The following GLIS3 variants were observed in gnomAD, a reference collection of about 807,000 sequenced individuals.
The protein encoded by GLIS3 is GLIS family zinc finger 3.
A neutral mutation model predicts 78.6 loss-of-function variants in GLIS3; 53 were observed. That is an observed-to-expected ratio of 0.67 (90% confidence interval 0.54 to 0.85). The LOEUF is 0.85. GLIS3 is among the 40% of genes least tolerant of loss of function. GLIS3 has a pLI of 0.00. For missense variants in GLIS3, 1,703 were observed against 1,231.1 expected, an observed-to-expected ratio of 1.38 and a Z score of -5.74; for synonymous variants, 684 against 509.9, an observed-to-expected ratio of 1.34 and a Z score of -4.60.
At position 4,196,888 on chromosome 9, in the gene GLIS3, GC is replaced by G. The variant is rs543654649; in HGVS notation, c.389-70948del. The stretch of plus-strand genomic sequence containing the variant: ...CAATCTGCATGTGTCCTTGCTGAGT[GC>G]CCCAGCCTGTTCCCCTGAGATCATG... On this transcript the variant is annotated intron_variant, in intron 2 of 10. Coordinates refer to ENST00000381971, the MANE Select transcript of GLIS3 (RefSeq NM_001042413.2). Among the ~76,000 whole-genome samples the G allele has an allele frequency of 9.1e-4, 138 of 152,282 alleles. 1 individual carries two copies. The highest frequency in any genetic ancestry group is 1.7e-3 in the Non-Finnish European group (113 of 68,024).
At chr9:4,045,076 C>G (rs1284930376) in intron 4 of GLIS3, among the ~76,000 whole-genome samples, 3 of 152,164 alleles carry the variant, frequency 2.0e-5, no homozygotes, top group African/African-American at 7.2e-5. Context: ...TCAACTGCAG[C>G]CAACAGCAGT....
intron 4 of GLIS3, among the ~76,000 whole-genome samples, chr9:4,114,462 C>A (rs1831473495): frequency 6.6e-6 from 1 of 152,096 alleles, no homozygotes; most frequent in Non-Finnish European, 1.5e-5. Context: ...TGACCTGTGA[C>A]CTTACCATCT....
chr9:4,465,312 C>A, the GLIS3 span, among the ~76,000 whole-genome samples: 1 of 152,210 alleles, frequency 6.6e-6, no homozygotes, highest in Non-Finnish European at 1.5e-5. Context: ...CTTTGGGAGG[C>A]CGAGGCAAGG....
intron 7 of GLIS3, among the ~76,000 whole-genome samples, chr9:3,896,402 T>G (rs1049461771): frequency 3.2e-4 from 49 of 152,158 alleles, no homozygotes; most frequent in Middle Eastern, 3.4e-3. Context: ...CAGTGGCTCA[T>G]GCCTGTAATC....
chr9:4,011,831 T>C (rs1272845967), intron 4 of GLIS3, among the ~76,000 whole-genome samples: 1 of 152,192 alleles, frequency 6.6e-6, no homozygotes, highest in Non-Finnish European at 1.5e-5. Context: ...GCATATCTGC[T>C]CTTAACATTT....
chr9:3,951,882 A>ACACGCACG (rs1554654468), intron 4 of GLIS3, among the ~76,000 whole-genome samples: 7 of 147,414 alleles, frequency 4.7e-5, no homozygotes, highest in Non-Finnish European at 1.0e-4. Flanking sequence ...ACACACACAC[A>ACACGCACG]CACGCACGCA....
At chr9:4,372,986 T>C in the GLIS3 span, among the ~76,000 whole-genome samples, 1 of 152,174 alleles carries the variant, frequency 6.6e-6, no homozygotes, top group African/African-American at 2.4e-5. Context: ...TACTAGTAGG[T>C]ACTGCACAGA....
At chr9:4,416,907 C>G in the GLIS3 span, among the ~76,000 whole-genome samples, 1 of 149,870 alleles carries the variant, frequency 6.7e-6, no homozygotes, top group African/African-American at 2.5e-5. Context: ...CAACCTCTGC[C>G]TCCCAGGTTC....
chr9:4,316,266 G>A (rs999260740), intron 2 of GLIS3, among the ~76,000 whole-genome samples: 1 of 152,172 alleles, frequency 6.6e-6, no homozygotes, highest in African/African-American at 2.4e-5. Flanking sequence ...CAAATCCAGT[G>A]ACTGCTCACA....
chr9:4,431,322 C>A, the GLIS3 span, among the ~76,000 whole-genome samples: 1 of 152,206 alleles, frequency 6.6e-6, no homozygotes, highest in Non-Finnish European at 1.5e-5. Flanking sequence ...CCTTACTTCG[C>A]TCTTGTATTA....
At chr9:4,174,402 C>T (rs566418337) in intron 2 of GLIS3, among the ~76,000 whole-genome samples, 24 of 152,140 alleles carry the variant, frequency 1.6e-4, no homozygotes, top group Admixed American at 3.9e-4. Context: ...AATCCAGTGA[C>T]GAATGTGGTA....
At chr9:4,316,635 G>C (rs1817440310) in intron 2 of GLIS3, among the ~76,000 whole-genome samples, 1 of 152,174 alleles carries the variant, frequency 6.6e-6, no homozygotes, top group South Asian at 2.1e-4. Context: ...AATGGTCCCA[G>C]TGTGAGTAAG....
chr9:3,940,398 C>T (rs614036), intron 4 of GLIS3, among the ~76,000 whole-genome samples: 2,556 of 152,238 alleles, frequency 0.017, 79 homozygotes, highest in African/African-American at 0.059. Context: ...GATGCTTTCT[C>T]ATCGAGGTTC....
At chr9:4,253,436 G>GTAATGGTGGA (rs1408164184) in intron 2 of GLIS3, among the ~76,000 whole-genome samples, 2 of 152,234 alleles carry the variant, frequency 1.3e-5, no homozygotes, top group Non-Finnish European at 2.9e-5. Flanking sequence ...TCAAGCTTCA[G>GTAATGGTGGA]TAATGGTGGA....
chr9:3,998,316 A>T (rs151268458), intron 4 of GLIS3, among the ~76,000 whole-genome samples: 60 of 152,228 alleles, frequency 3.9e-4, no homozygotes, highest in Middle Eastern at 6.8e-3. Context: ...CATTCTCCAG[A>T]CGCCTTCAAT....
At chr9:4,061,032 G>C (rs773257291) in intron 4 of GLIS3, among the ~76,000 whole-genome samples, 4 of 151,476 alleles carry the variant, frequency 2.6e-5, no homozygotes, top group Non-Finnish European at 4.4e-5. Context: ...TTACACTTCT[G>C]CATCATCTGC....
intron 4 of GLIS3, among the ~76,000 whole-genome samples, chr9:3,976,028 T>C (rs1032958151): frequency 1.3e-5 from 2 of 152,154 alleles, no homozygotes; most frequent in African/African-American, 4.8e-5. Flanking sequence ...TTTATAAATA[T>C]ATCTGCTAAT....
At chr9:3,964,237 CAGAA>C (rs1183478640) in intron 4 of GLIS3, among the ~76,000 whole-genome samples, 1 of 152,142 alleles carries the variant, frequency 6.6e-6, no homozygotes, top group Non-Finnish European at 1.5e-5. Context: ...CTTTTGTAGA[CAGAA>C]AGATAAATCT....
At chr9:4,273,324 G>T (rs893976257) in intron 2 of GLIS3, among the ~76,000 whole-genome samples, 1 of 152,284 alleles carries the variant, frequency 6.6e-6, no homozygotes, top group South Asian at 2.1e-4. Flanking sequence ...ACCAAGCACG[G>T]TGGCTCATGT....
Sources: allele counts gnomAD v4.1 joint callset (sites outside exome capture counted in the v4.1 genomes callset), GRCh38; gene constraint gnomAD v4.1.1; transcripts MANE v1.5; gene names NCBI Gene and HGNC (gene_info 2026-07-23, HGNC 2026-07-21).